CTNND2: variants seen among roughly 807,000 people sequenced by gnomAD.
The protein encoded by CTNND2 is catenin delta 2.
A neutral mutation model predicts 144.4 loss-of-function variants in CTNND2; 22 were observed. The ratio of observed to expected loss-of-function variants is 0.15; its 90% CI spans 0.11 to 0.22. The LOEUF (loss-of-function observed/expected upper bound fraction) is 0.22, where lower values mean the gene tolerates loss of function less well. Ranked by LOEUF, CTNND2 falls within the 10% of genes least tolerant of loss-of-function variation. CTNND2 has a pLI of 1.00. For synonymous variants in CTNND2, 751 were observed against 695.6 expected, an observed-to-expected ratio of 1.08 and a Z score of -1.25; for missense variants, 1,353 against 1,618.8, an observed-to-expected ratio of 0.84 and a Z score of 2.82.
At chr5:11,599,652 T>C (rs1349269531) in intron 2 of CTNND2, among the ~76,000 whole-genome samples, 1 of 152,182 alleles carries the variant, frequency 6.6e-6, no homozygotes, top group Non-Finnish European at 1.5e-5. Context: ...TACTTATTCA[T>C]GAGGTCCACG....
chr5:11,604,533 CACA>C (rs1429914055), intron 2 of CTNND2, among the ~76,000 whole-genome samples: 1 of 152,160 alleles, frequency 6.6e-6, no homozygotes, highest in Non-Finnish European at 1.5e-5. Flanking sequence ...AGCTTCCTCC[CACA>C]ACATGTGAAC....
intron 2 of CTNND2, among the ~76,000 whole-genome samples, chr5:11,651,125 G>A (rs777548528): frequency 2.7e-4 from 41 of 152,314 alleles, no homozygotes; most frequent in Admixed American, 1.9e-3. Context: ...CAGGAATAAT[G>A]GTTTTAAGGC....
intron 7 of CTNND2, among the ~76,000 whole-genome samples, chr5:11,380,496 C>G (rs1758366548): frequency 6.6e-6 from 1 of 152,170 alleles, no homozygotes; most frequent in Non-Finnish European, 1.5e-5. Context: ...AATGAGCCTA[C>G]CAGCCTTAAG....
At chr5:11,766,356 G>A (rs750067272) in intron 1 of CTNND2, among the ~76,000 whole-genome samples, 2 of 152,192 alleles carry the variant, frequency 1.3e-5, no homozygotes, top group African/African-American at 2.4e-5. Context: ...GAATTTCCAT[G>A]TGTTGTGGGA....
rs1429507032 is a variant in CTNND2 at position 11,615,196 on chromosome 5, C to T, written c.175-50140G>A. 3.9e-5 allele frequency among the ~76,000 whole-genome samples: 6 copies of T among 152,176 alleles called. No homozygotes were observed. In the South Asian group the frequency reaches 6.2e-4, roughly 16 times the overall value. On this transcript the variant is annotated intron_variant, in intron 2 of 21. Transcript: ENST00000304623. ...TAACTACTTACTTCCTGAGACATCT[C>T]TTCTTTCCTATTTAATTGCAAAAGA... is the stretch of plus-strand genomic sequence containing the variant.
chr5:11,093,346 T>G (rs1345427517), intron 15 of CTNND2, among the ~76,000 whole-genome samples: 1 of 151,348 alleles, frequency 6.6e-6, no homozygotes, highest in East Asian at 1.9e-4. Flanking sequence ...TATACCCAAT[T>G]GTTTTAATAG....
chr5:11,414,521 T>C (rs1761780397), intron 3 of CTNND2, among the ~76,000 whole-genome samples: 2 of 152,212 alleles, frequency 1.3e-5, no homozygotes, highest in Admixed American at 1.3e-4. Context: ...GATTTAGTAA[T>C]GTTGAAAAAC....
At chr5:11,196,130 A>G (rs948122000) in intron 11 of CTNND2, among the ~76,000 whole-genome samples, 14 of 152,244 alleles carry the variant, frequency 9.2e-5, no homozygotes, top group African/African-American at 3.1e-4. Flanking sequence ...TATTCAATAC[A>G]TAATTTAAAA....
In CTNND2 at chr5:11,385,151, C is replaced by A; in HGVS notation, c.691G>T (p.Ala231Ser). 1 of 1,005,636 alleles carries A rather than the reference C, an allele frequency of 9.9e-7. No individual in the cohort carries two copies. Among genetic ancestry groups the A allele is most frequent in the Non-Finnish European group, 1.2e-6 (1 of 845,938 alleles). The allele number at this position is 1,005,636 out of a possible 1,614,324, so 62.3% of individuals were successfully genotyped here. ...PPPPPPREPF[A>S]PSLGSAFHLP... is the part of the protein sequence containing the mutation. The stretch of plus-strand genomic sequence containing the variant: ...TGGAAGGCGCTGCCCAGGCTGGGCG[C>A]GAACGGCTCCCGCGGCGGCGGCGGC... Residue 231 changes from alanine (A) to serine (S), a missense_variant, in exon 7 of 22, where the codon GCG becomes TCG. Ala to Ser is a moderately conservative substitution (Grantham distance 99). This residue lies in a region of CTNND2 where 708 missense variants were observed against 706.4 expected (regional missense o/e 1.00). Transcript: ENST00000304623.
At chr5:11,559,234 C>G (rs1174919865) in intron 3 of CTNND2, among the ~76,000 whole-genome samples, 2 of 152,124 alleles carry the variant, frequency 1.3e-5, no homozygotes, top group Admixed American at 1.3e-4. Context: ...GTTCTACATG[C>G]TCACAAGTGA....
chr5:11,618,357 G>GT (rs1780676648), intron 2 of CTNND2, among the ~76,000 whole-genome samples: 1 of 152,174 alleles, frequency 6.6e-6, no homozygotes, highest in Non-Finnish European at 1.5e-5. Context: ...TTTGCTCACA[G>GT]TTAGTGAGAT....
chr5:11,723,280 T>C (rs1786789215), intron 2 of CTNND2, among the ~76,000 whole-genome samples: 1 of 152,228 alleles, frequency 6.6e-6, no homozygotes, highest in African/African-American at 2.4e-5. Flanking sequence ...ACACATTTTA[T>C]TAATGAAGGA....
chr5:11,281,715 C>T (rs1170010263), intron 9 of CTNND2, among the ~76,000 whole-genome samples: 3 of 152,166 alleles, frequency 2.0e-5, no homozygotes, highest in African/African-American at 7.2e-5. Flanking sequence ...CTCACATGGT[C>T]GTTCTTCTGT....
chr5:11,110,805 A>T (rs1449636150), intron 14 of CTNND2, 53 bp downstream of exon 14: 2 of 1,524,006 alleles, frequency 1.3e-6, no homozygotes, highest in Non-Finnish European at 9.0e-7. Context: ...GATATATTAC[A>T]GTTGCAATTA....
rs138434386 is a variant in CTNND2 at position 11,712,924 on chromosome 5, G to A, written c.174+19212C>T. 1.1e-3 allele frequency among the ~76,000 whole-genome samples: 164 copies of A among 152,266 alleles called. 1 individual carries two copies. Among genetic ancestry groups the A allele is most frequent in the Non-Finnish European group, 1.8e-3 (120 of 68,014 alleles). ...TGATACTGAACAGCAGCACACAAAA[G>A]CAGAGGTATTTTTTGATAATATAGT... On this transcript the variant is annotated intron_variant, in intron 2 of 21. Coordinates refer to ENST00000304623, the MANE Select transcript of CTNND2 (RefSeq NM_001332.4).
chr5:11,805,195 G>T (rs1791924898), intron 1 of CTNND2, among the ~76,000 whole-genome samples: 1 of 152,158 alleles, frequency 6.6e-6, no homozygotes, highest in African/African-American at 2.4e-5. Context: ...GAATGATCCA[G>T]GAGGTAACAG....
At chr5:11,686,296 G>A (rs1784642399) in intron 2 of CTNND2, among the ~76,000 whole-genome samples, 3 of 152,038 alleles carry the variant, frequency 2.0e-5, no homozygotes, top group Admixed American at 1.3e-4. Context: ...CAAAAGAGGA[G>A]GCCATGGGTA....
At chr5:11,610,103 T>C (rs1037808499) in intron 2 of CTNND2, among the ~76,000 whole-genome samples, 1 of 152,170 alleles carries the variant, frequency 6.6e-6, no homozygotes, top group African/African-American at 2.4e-5. Context: ...AGTTCCACTT[T>C]AGCTCCCCAT....
rs1561174083 is a variant in CTNND2 at position 11,297,787 on chromosome 5, C to CGTGTTG, written c.1628+48584_1628+48585insCAACAC. 3.3e-5 allele frequency among the ~76,000 whole-genome samples: 5 copies of CGTGTTG among 152,114 alleles called. 1 individual carries two copies. The East Asian group carries it at 9.6e-4, about 29-fold the overall frequency. ...GTGGGGTGACTAAGCTATGAACCAA[C>CGTGTTG]ATATTCACGAGTTCGGATTTTATCC... On this transcript the variant is annotated intron_variant, in intron 9 of 21. Transcript: ENST00000304623.
Sources: allele counts gnomAD v4.1 joint callset (sites outside exome capture counted in the v4.1 genomes callset), GRCh38; gene constraint gnomAD v4.1.1; regional missense constraint gnomAD v4.1.1; transcripts MANE v1.5; gene names NCBI Gene and HGNC (gene_info 2026-07-23, HGNC 2026-07-21).